The following NOS3 variants were observed in gnomAD, a reference collection of about 807,000 sequenced individuals.
NOS3 encodes the protein nitric oxide synthase 3, also known as NOS type III.
Under a neutral mutation model 144.9 loss-of-function variants are expected in NOS3, and 98 were observed. That is an observed-to-expected ratio of 0.68 (90% CI 0.57 to 0.80). The LOEUF (loss-of-function observed/expected upper bound fraction) is 0.80. Ranked by LOEUF, NOS3 falls within the 30% of genes least tolerant of loss-of-function variation. The pLI, the probability that NOS3 is intolerant of heterozygous loss-of-function variation, is 0.00. For synonymous variants in NOS3, 714 were observed against 702.4 expected, an observed-to-expected ratio of 1.02 and a Z score of -0.26; for missense variants, 1,465 against 1,656.4, an observed-to-expected ratio of 0.88 and a Z score of 2.01.
rs1375693812 is a variant in NOS3, at chr7:150,998,387, C to T, written c.613C>T (p.Gln205Ter). The change falls in exon 6 of 27, where the codon CAG becomes TAG. Residue 205 changes from glutamine to a stop codon, truncating the protein, a stop_gained. Transcript: ENST00000297494. LOFTEE classifies it high-confidence loss of function. This position sits in a 1 kb window ranked among gnomAD's most constrained non-coding sequence, Gnocchi z 5.0. Reference sequence around the variant, plus strand: ...CGATGCCCGGGACTGCAGGTCTGCACAGGAAATGTTCACCTACATCTGCAA... The same window carrying T: ...CGATGCCCGGGACTGCAGGTCTGCATAGGAAATGTTCACCTACATCTGCAA... Reference protein sequence around the residue: ...VFDARDCRSAQEMFTYICNHI... With the variant: ...VFDARDCRSA 2.5e-6 allele frequency: 4 copies of T among 1,612,334 alleles called. No individual in the cohort carries two copies. Among genetic ancestry groups the T allele is most frequent in the South Asian group, 1.1e-5 (1 of 91,034 alleles).
At chr7:151,012,961 G>A in intron 24 of NOS3, 1 of 511,190 alleles carries the variant, frequency 2.0e-6, no homozygotes, top group Non-Finnish European at 3.5e-6. Flanking sequence ...AATGCAAAGG[G>A]CATGGAATTC....
Position 150,996,476 on chromosome 7 carries a change from C to T in NOS3, c.343C>T (p.Pro115Ser). 6.3e-7 allele frequency: 1 copy of T among 1,594,354 alleles called. No individual in the cohort carries two copies. The highest frequency in any genetic ancestry group is 8.5e-7 in the Non-Finnish European group (1 of 1,170,632). ...ACGGAAACTACAGGGCCGGCCCTCC[C>T]CCGGCCCCCCGGCCCCTGAGCAGCT... is the stretch of plus-strand genomic sequence containing the variant. ...FPRKLQGRPS[P>S]GPPAPEQLLS... The change falls in exon 4 of 27, where the codon CCC (proline) becomes TCC (serine). Residue 115 changes from proline to serine, a missense_variant. Pro to Ser is a moderately conservative substitution (Grantham distance 74). Transcript: ENST00000297494.
chr7:151,012,867 A>G (rs1795336552), intron 24 of NOS3: 1 of 342,790 alleles, frequency 2.9e-6, no homozygotes, highest in Admixed American at 4.5e-5. Flanking sequence ...TGTCAATCAA[A>G]AGAAGAGGGC....
At position 151,002,383 on chromosome 7, in the gene NOS3, AAC is replaced by A. The variant is rs3138808; in HGVS notation, c.1752+148_1752+149del. On this transcript the variant is annotated intron_variant, in intron 14 of 26. Transcript: ENST00000297494. This position sits in a 1 kb window ranked among gnomAD's most constrained non-coding sequence, Gnocchi z 4.1. ...AGTGACTGGGCAGGAACCTCTGCCCAACACACACACACACACACACACACACA... is the reference window on the plus strand; with the variant it reads ...AGTGACTGGGCAGGAACCTCTGCCCAACACACACACACACACACACACACA... 0.012 allele frequency: 3,255 copies of A among 270,808 alleles called. 95 individuals are homozygous for A. Among genetic ancestry groups the A allele is most frequent in the African/African-American group, 0.019 (469 of 24,466 alleles). 16.8% of individuals were successfully genotyped at this position (270,808 alleles called of 1,614,324 possible). A position where few individuals can be genotyped will look rare whatever the true frequency, so the allele number is the denominator to read the frequency against.
intron 3 of NOS3, among the ~76,000 whole-genome samples, chr7:150,995,532 CTCCCCCATCCCACCCCTGCACCCCTT>C (rs1282991717): frequency 1.4e-5 from 2 of 144,820 alleles, no homozygotes; most frequent in Non-Finnish European, 3.1e-5. Flanking sequence ...GGCTCAAACT[CTCCCCCATCCCACCCCTGCACCCCTT>C]TCCCCCCTCC....
rs770993759 is a variant in NOS3, at chr7:150,998,310, C to G, written c.583-47C>G. The G allele has an allele frequency of 3.9e-6, 6 of 1,553,906 alleles. No homozygotes were observed. In the African/African-American group the frequency reaches 6.8e-5, roughly 17 times the overall value. ...CCTCTGGAGCTGATACTCAAGACCC[C>G]CCGTCTCTCTCCTCACCCTCCTCTC... On this transcript the variant is annotated intron_variant, in intron 5 of 26. Transcript: ENST00000297494. This position sits in a 1 kb window ranked among gnomAD's most constrained non-coding sequence, Gnocchi z 5.0.
At chr7:151,012,763 G>A (rs191612985) in intron 24 of NOS3, 1 of 368,760 alleles carries the variant, frequency 2.7e-6, no homozygotes, top group Admixed American at 4.0e-5. Context: ...TGCCCAAGGT[G>A]GATTCTTGAC....
In NOS3 at chr7:151,014,177, C is replaced by T. The variant is rs769133349; in HGVS notation, c.*8C>T. 2.4e-5 allele frequency: 39 copies of T among 1,592,516 alleles called. No individual in the cohort carries two copies. The highest frequency in any genetic ancestry group is 3.2e-5 in the Non-Finnish European group (37 of 1,166,018). ...GACACCAACAGCCCCTGAGAGCCGCCTGGCTTTCCCTTCCAGTTCCGGGAG... is the reference window on the plus strand; with the variant it reads ...GACACCAACAGCCCCTGAGAGCCGCTTGGCTTTCCCTTCCAGTTCCGGGAG... On this transcript the variant is annotated 3_prime_UTR_variant, in exon 27 of 27. Coordinates refer to ENST00000297494, the MANE Select transcript of NOS3 (RefSeq NM_000603.5).
intron 1 of NOS3, among the ~76,000 whole-genome samples, chr7:150,992,107 C>G (rs922431713): frequency 3.4e-4 from 51 of 151,184 alleles, no homozygotes; most frequent in African/African-American, 1.2e-3. Context: ...CAAGATCACA[C>G]CACTGCACTC....
In NOS3 at chr7:151,001,942, T is replaced by C. The variant is rs139628271; in HGVS notation, c.1624T>C (p.Phe542Leu). ...QSYAQQLGRL[F>L]RKAFDPRVLC... ...CTACGCACAGCAGCTGGGGAGACTC[T>C]TCCGGAAGGCTTTTGATCCCCGGGT... Residue 542 changes from phenylalanine (F) to leucine (L), a missense_variant, in exon 13 of 27, where the codon TTC (phenylalanine) becomes CTC (leucine). This residue lies in a region of NOS3 where 745 missense variants were observed against 853.9 expected (regional missense o/e 0.87). Coordinates refer to ENST00000297494, the MANE Select transcript of NOS3 (RefSeq NM_000603.5). 9.9e-6 allele frequency: 16 copies of C among 1,613,458 alleles called. 1 individual carries two copies. The South Asian group carries it at 1.5e-4, about 16-fold the overall frequency.
chr7:151,010,427 G>A lies in NOS3; in HGVS notation c.2685+140G>A, dbSNP rs34919745. ...ACATGCACTGGTGCTTTAAGACCCA[G>A]CTCCTCAGGGAGGAATTCATGGCTG... On this transcript the variant is annotated intron_variant, in intron 21 of 26. Transcript: ENST00000297494. 1.4e-3 allele frequency: 1,508 copies of A among 1,045,446 alleles called. 19 individuals carry two copies. In the African/African-American group the frequency reaches 0.022, roughly 15 times the overall value. The allele number at this position is 1,045,446 out of a possible 1,614,324, so 64.8% of individuals were successfully genotyped here. A position where few individuals can be genotyped will look rare whatever the true frequency, so the allele number is the denominator to read the frequency against.
chr7:151,003,523 G>A lies in NOS3; in HGVS notation c.1752+1219G>A, dbSNP rs570209463. 373 of 1,264,050 alleles carry A rather than the reference G, an allele frequency of 3.0e-4. No individual in the cohort carries two copies. The highest frequency in any genetic ancestry group is 3.7e-4 in the Non-Finnish European group (355 of 967,526). 78.3% of individuals were successfully genotyped at this position (1,264,050 alleles called of 1,614,324 possible). A position where few individuals can be genotyped will look rare whatever the true frequency, so the allele number is the denominator to read the frequency against. On this transcript the variant is annotated intron_variant, in intron 14 of 26. Transcript: ENST00000297494. The surrounding 1 kb of genome is among the most constrained non-coding windows in gnomAD (Gnocchi z 4.1). ...CTGACCTACCTTTTCAAGAAAAATA[G>A]CACCAGCAATTGACTTTTTTTTAGC...
chr7:151,003,490 C>T lies in NOS3; in HGVS notation c.1752+1186C>T. Reference sequence around the variant, plus strand: ...TTTGCTGCCTTAGTGTCCGTTTCAGCCCTCATTCTGACCTACCTTTTCAAG... The same window carrying T: ...TTTGCTGCCTTAGTGTCCGTTTCAGTCCTCATTCTGACCTACCTTTTCAAG... On this transcript the variant is annotated intron_variant, in intron 14 of 26. Transcript: ENST00000297494. This position sits in a 1 kb window ranked among gnomAD's most constrained non-coding sequence, Gnocchi z 4.1. 2 of 1,242,098 alleles carry T rather than the reference C, an allele frequency of 1.6e-6. No homozygotes were observed. The highest frequency in any genetic ancestry group is 5.4e-5 in the Admixed American group (2 of 36,716). The allele number at this position is 1,242,098 out of a possible 1,614,324, so 76.9% of individuals were successfully genotyped here.
In NOS3 at chr7:151,009,186, C is replaced by T. The variant is rs777448667; in HGVS notation, c.2246-3C>T. On this transcript the variant is annotated splice_polypyrimidine_tract_variant and splice_region_variant and intron_variant, in intron 18 of 26. Coordinates refer to ENST00000297494, the MANE Select transcript of NOS3 (RefSeq NM_000603.5). ...TGCCTCATTTGCCCCTCCCCGCCCCCAGGTCTGATCCACGTGCACAGGCGG... is the reference window on the plus strand; with the variant it reads ...TGCCTCATTTGCCCCTCCCCGCCCCTAGGTCTGATCCACGTGCACAGGCGG... 15 of 1,613,854 alleles carry T rather than the reference C, an allele frequency of 9.3e-6. No individual in the cohort carries two copies. The South Asian group carries it at 1.6e-4, about 18-fold the overall frequency.
chr7:150,995,461 G>C (rs1165031713), intron 3 of NOS3, 147 bp downstream of exon 3: 5 of 585,518 alleles, frequency 8.5e-6, no homozygotes, highest in Non-Finnish European at 1.5e-5. Flanking sequence ...AGAACCAGAG[G>C]AGTTGAGGGA....
chr7:151,013,778 C>T lies in NOS3; in HGVS notation c.3310C>T (p.Leu1104=), dbSNP rs1208895924. Residue 1104 remains leucine (L), a synonymous_variant, in exon 26 of 27, where the codon CTG becomes TTG. Transcript: ENST00000297494. The part of the protein sequence containing the change: ...TELAAEVHRV[L]CLERGHMFVC... ...GCTGGCTGCGGAGGTGCACCGCGTG[C>T]TGTGCCTCGAGCGGGGCCACATGTT... The T allele has an allele frequency of 2.5e-6, 4 of 1,611,658 alleles. No individual in the cohort carries two copies. The Admixed American group carries it at 5.0e-5, about 20-fold the overall frequency.
intron 10 of NOS3, 87 bp downstream of exon 10, chr7:151,000,686 G>A: frequency 1.2e-6 from 1 of 845,490 alleles, no homozygotes; most frequent in Non-Finnish European, 2.0e-6. Context: ...CAGCCATTTA[G>A]AAACTAGGGC....
At chr7:151,006,613 G>C in intron 15 of NOS3, 119 bp downstream of exon 15, 1 of 882,036 alleles carries the variant, frequency 1.1e-6, no homozygotes, top group Non-Finnish European at 1.8e-6. Flanking sequence ...CCAAAAGCCA[G>C]GGCTCCAGGA....
intron 12 of NOS3, 25 bp from the exon 13 acceptor site, chr7:151,001,796 A>G (rs1380123575): frequency 6.2e-6 from 10 of 1,613,114 alleles, no homozygotes; most frequent in Non-Finnish European, 8.5e-6. Flanking sequence ...CACCCAGGAC[A>G]CCCTCACACC....
Sources: allele counts gnomAD v4.1 joint callset (sites outside exome capture counted in the v4.1 genomes callset), GRCh38; gene constraint gnomAD v4.1.1; regional missense constraint gnomAD v4.1.1; non-coding constraint Gnocchi (gnomAD v3.1); transcripts MANE v1.5; gene names NCBI Gene and HGNC (gene_info 2026-07-23, HGNC 2026-07-21).